Variants in C10orf67 observed in about 807,000 individuals in gnomAD.
C10orf67 encodes the protein uncharacterized protein C10orf67, mitochondrial.
In C10orf67, 60 loss-of-function variants were observed where a neutral mutation model predicts 35.6. The ratio of observed to expected loss-of-function variants is 1.68; its 90% CI spans 1.37 to 2.09. C10orf67 has a LOEUF of 2.09. Ranked by LOEUF, C10orf67 falls within the 30% of genes most tolerant of loss-of-function variation. C10orf67 has a pLI of 0.00. For synonymous variants in C10orf67, 167 were observed against 115.8 expected (o/e 1.44, Z -2.84); for missense variants, 474 against 330.2 (o/e 1.44, Z -3.38).
intron 1 of C10orf67, chr10:23,343,806 C>A: frequency 5.5e-6 from 2 of 365,662 alleles, no homozygotes; most frequent in East Asian, 1.0e-4. Context: ...AAAACTGAAG[C>A]CCAGCGGCTG....
intron 5 of C10orf67, among the ~76,000 whole-genome samples, chr10:23,292,153 C>T (rs894344318): frequency 7.4e-6 from 1 of 135,930 alleles, no homozygotes; most frequent in Admixed American, 7.5e-5. Flanking sequence ...ATTGGGACAG[C>T]TACTCTTTTT....
chr10:23,322,264 A>G, intron 3 of C10orf67, 130 bp downstream of exon 3: 1 of 787,610 alleles, frequency 1.3e-6, no homozygotes, highest in Non-Finnish European at 1.8e-6. Flanking sequence ...CTGTGTATTA[A>G]TTACCACATG....
chr10:23,207,208 T>G (rs1841183237), intron 15 of C10orf67, among the ~76,000 whole-genome samples: 1 of 151,936 alleles, frequency 6.6e-6, no homozygotes, highest in African/African-American at 2.4e-5. Context: ...TTGAAAATAA[T>G]TTAGGGACTA....
chr10:23,285,932 G>A (rs1057172277), intron 7 of C10orf67, among the ~76,000 whole-genome samples: 2 of 152,220 alleles, frequency 1.3e-5, no homozygotes, highest in Non-Finnish European at 2.9e-5. Context: ...GCACTTAACT[G>A]ATATATTTAA....
intron 5 of C10orf67, among the ~76,000 whole-genome samples, chr10:23,296,792 C>T (rs1214232228): frequency 6.6e-6 from 1 of 152,174 alleles, no homozygotes; most frequent in Non-Finnish European, 1.5e-5. Flanking sequence ...AAGAGACAAA[C>T]TTAACAAGGA....
rs1204245722 is a variant in C10orf67, at chr10:23,223,834, G to C, written c.1435-16C>G. 1 of 714,822 alleles carries C rather than the reference G, an allele frequency of 1.4e-6. No individual in the cohort carries two copies. Among genetic ancestry groups the C allele is most frequent in the Admixed American group, 2.0e-5 (1 of 49,966 alleles). 44.3% of individuals were successfully genotyped at this position (714,822 alleles called of 1,614,324 possible). A position where few individuals can be genotyped will look rare whatever the true frequency, so the allele number is the denominator to read the frequency against. ...GTTTTACTTTCTGAAAGACACAAAAGATATGTACTGTGTTATCAGGAGGAA... is the reference window on the plus strand; with the variant it reads ...GTTTTACTTTCTGAAAGACACAAAACATATGTACTGTGTTATCAGGAGGAA... On this transcript the variant is annotated splice_polypyrimidine_tract_variant and intron_variant, in intron 13 of 15. Transcript: ENST00000636213.
chr10:23,334,302 G>A (rs1845589870), intron 1 of C10orf67, among the ~76,000 whole-genome samples: 1 of 152,176 alleles, frequency 6.6e-6, no homozygotes, highest in African/African-American at 2.4e-5. Context: ...CTAAGGATAG[G>A]CATCTCAAAC....
At chr10:23,324,351 T>A (rs1398911872) in intron 2 of C10orf67, among the ~76,000 whole-genome samples, 1 of 152,144 alleles carries the variant, frequency 6.6e-6, no homozygotes, top group East Asian at 1.9e-4. Flanking sequence ...GGAGTTCACC[T>A]CTTTCTTCTC....
chr10:23,298,591 G>A (rs116818237), intron 5 of C10orf67, among the ~76,000 whole-genome samples: 633 of 152,238 alleles, frequency 4.2e-3, no homozygotes, highest in African/African-American at 0.014. Context: ...ATCCATATTC[G>A]GCAGTTCCTG....
At chr10:23,317,068 C>A (rs1844747534) in intron 4 of C10orf67, 1 of 152,628 alleles carries the variant, frequency 6.6e-6, no homozygotes, top group Non-Finnish European at 1.5e-5. Flanking sequence ...TCATGGTGCC[C>A]AGGCTGTTCA....
chr10:23,232,849 A>G (rs1841948179), intron 13 of C10orf67, among the ~76,000 whole-genome samples: 1 of 152,216 alleles, frequency 6.6e-6, no homozygotes, highest in Non-Finnish European at 1.5e-5. Context: ...CCCAGATCCC[A>G]CAACAGCAGT....
intron 13 of C10orf67, among the ~76,000 whole-genome samples, chr10:23,229,996 C>G (rs1841863302): frequency 6.6e-6 from 1 of 151,816 alleles, no homozygotes; most frequent in South Asian, 2.1e-4. Context: ...TGAATATTGA[C>G]AATCCGATTC....
In C10orf67 at chr10:23,296,814, CAGGGA is replaced by C. The variant is rs575614250; in HGVS notation, c.703-5540_703-5536del. 1.1e-3 allele frequency among the ~76,000 whole-genome samples: 173 copies of C among 152,262 alleles called. 1 individual carries two copies. The highest frequency in any genetic ancestry group is 4.1e-3 in the African/African-American group (169 of 41,534). ...AAACTTAACAAGGAGGTTAAAGATA[CAGGGA>C]TTGAAATGTATGGCCTGCAGTGCAG... On this transcript the variant is annotated intron_variant, in intron 5 of 15. Transcript: ENST00000636213.
intron 12 of C10orf67, among the ~76,000 whole-genome samples, chr10:23,244,250 T>C (rs1029196949): frequency 6.6e-6 from 1 of 152,178 alleles, no homozygotes; most frequent in Non-Finnish European, 1.5e-5. Context: ...TTAGAAAATA[T>C]TTTGTTTGAG....
At chr10:23,328,497 C>T (rs1588701155) in intron 2 of C10orf67, among the ~76,000 whole-genome samples, 1 of 152,120 alleles carries the variant, frequency 6.6e-6, no homozygotes. Context: ...CAGCAAAAGT[C>T]AGGCACTAAT....
chr10:23,222,608 A>G (rs1325784138), intron 15 of C10orf67, among the ~76,000 whole-genome samples: 1 of 152,032 alleles, frequency 6.6e-6, no homozygotes. Flanking sequence ...GCATCATGCG[A>G]TACATCTACA....
rs372443653 is a variant in C10orf67, at chr10:23,223,838, T to A, written c.1435-20A>T. On this transcript the variant is annotated intron_variant, in intron 13 of 15. Coordinates refer to ENST00000636213, the MANE Select transcript of C10orf67 (RefSeq NM_001371909.1). ...TACTTTCTGAAAGACACAAAAGATA[T>A]GTACTGTGTTATCAGGAGGAAATAA... 1 of 714,140 alleles carries A rather than the reference T, an allele frequency of 1.4e-6. No homozygotes were observed. The highest frequency in any genetic ancestry group is 1.8e-5 in the African/African-American group (1 of 57,096). The allele number at this position is 714,140 out of a possible 1,614,324, so 44.2% of individuals were successfully genotyped here.
intron 13 of C10orf67, among the ~76,000 whole-genome samples, chr10:23,225,340 G>A (rs547489767): frequency 4.3e-4 from 66 of 152,184 alleles, no homozygotes; most frequent in African/African-American, 1.5e-3. Context: ...GTCACCACCA[G>A]GCCTGCCCTA....
At chr10:23,251,575 G>A (rs1446126000) in intron 10 of C10orf67, among the ~76,000 whole-genome samples, 3 of 152,192 alleles carry the variant, frequency 2.0e-5, no homozygotes, top group African/African-American at 4.8e-5. Flanking sequence ...TGGCAGAGAT[G>A]TGCTACAGAA....
Sources: allele counts gnomAD v4.1 joint callset (sites outside exome capture counted in the v4.1 genomes callset), GRCh38; gene constraint gnomAD v4.1.1; transcripts MANE v1.5; gene names NCBI Gene and HGNC (gene_info 2026-07-23, HGNC 2026-07-21).